Variants in KAZN observed in about 807,000 individuals in gnomAD.
KAZN encodes the protein kazrin.
KAZN carries 40 observed loss-of-function variants against 87.4 expected under a neutral mutation model. That is an observed-to-expected ratio of 0.46 (90% CI 0.36 to 0.60). The LOEUF is 0.60. Among genes scored for constraint, KAZN ranks in the 20% least tolerant of loss-of-function variants. The pLI is 0.00. For missense variants in KAZN, 898 were observed against 1,073.9 expected (o/e 0.84, Z 2.29); for synonymous variants, 466 against 458.3 (o/e 1.02, Z -0.22).
intron 2 of KAZN, among the ~76,000 whole-genome samples, chr1:14,981,631 G>A (rs912466927): frequency 6.6e-6 from 1 of 152,212 alleles, no homozygotes; most frequent in African/African-American, 2.4e-5. Context: ...GGAGCCCTGC[G>A]CTAAGCTGCA....
chr1:14,258,003 G>T, intron 2 of KAZN, among the ~76,000 whole-genome samples: 1 of 141,512 alleles, frequency 7.1e-6, no homozygotes, highest in South Asian at 2.4e-4. Context: ...GAAGGGGGAA[G>T]GGTAAGAATG....
chr1:14,434,575 T>C (rs967573134), intron 2 of KAZN, among the ~76,000 whole-genome samples: 2 of 152,204 alleles, frequency 1.3e-5, no homozygotes, highest in Non-Finnish European at 2.9e-5. Flanking sequence ...GGCTGCTTCA[T>C]GGTGGATGAT....
Position 13,954,942 on chromosome 1 carries a change from C to T in KAZN, c.91+61186C>T, listed in dbSNP as rs559611695. On this transcript the variant is annotated intron_variant, in intron 1 of 16. Transcript: ENST00000636203. ...GCTAGAAGTATAAATTGTGTAAAGA[C>T]TTTTAGAGAGCTCCAATTCGTCTTA... 2.6e-5 allele frequency among the ~76,000 whole-genome samples: 4 copies of T among 152,238 alleles called. No homozygotes were observed. In the East Asian group the frequency reaches 7.7e-4, roughly 29 times the overall value.
chr1:14,418,986 G>C (rs1665099359), intron 2 of KAZN, among the ~76,000 whole-genome samples: 1 of 152,188 alleles, frequency 6.6e-6, no homozygotes, highest in Admixed American at 6.5e-5. Context: ...AAAACTTCTA[G>C]CCTGCCATTC....
chr1:14,399,460 T>A (rs895660376), intron 2 of KAZN, among the ~76,000 whole-genome samples: 1 of 152,108 alleles, frequency 6.6e-6, no homozygotes, highest in African/African-American at 2.4e-5. Context: ...GATACCTTGA[T>A]AGTCATTGGT....
At chr1:14,385,970 G>A (rs1661845265) in intron 2 of KAZN, among the ~76,000 whole-genome samples, 1 of 151,322 alleles carries the variant, frequency 6.6e-6, no homozygotes. Context: ...AGGTCACTCA[G>A]GACTTGCTTT....
In KAZN at chr1:15,117,058, T is replaced by G. The variant is rs2100768225; in HGVS notation, c.*2423T>G. The stretch of plus-strand genomic sequence containing the variant: ...ACATGAGGATGGGTTGGTTGTTAAA[T>G]TAACAACCTCCACAGTATCAGATTG... On this transcript the variant is annotated 3_prime_UTR_variant, in exon 15 of 15. Transcript: ENST00000376030. 2 of 152,276 alleles carry G rather than the reference T, an allele frequency of 1.3e-5. No individual in the cohort carries two copies. Among genetic ancestry groups the G allele is most frequent in the Non-Finnish European group, 2.9e-5 (2 of 68,020 alleles). 9.4% of individuals were successfully genotyped at this position (152,276 alleles called of 1,614,324 possible).
chr1:14,997,652 C>A lies in KAZN; in HGVS notation c.418+36777C>A, dbSNP rs564926956. On this transcript the variant is annotated intron_variant, in intron 2 of 14. Coordinates refer to ENST00000376030, the MANE Select transcript of KAZN (RefSeq NM_201628.3). ...TCACACACCCAGAACAACGTGGATT[C>A]TCAGTAAATCCATGCGGAAAGCCTG... 1.4e-4 allele frequency among the ~76,000 whole-genome samples: 21 copies of A among 152,282 alleles called. No homozygotes were observed. In the East Asian group the frequency reaches 3.3e-3, roughly 24 times the overall value.
Position 14,831,182 on chromosome 1 carries a change from C to T in KAZN, c.227-129502C>T, listed in dbSNP as rs889958738. Among the ~76,000 whole-genome samples the T allele has an allele frequency of 1.1e-4, 17 of 152,212 alleles. 1 individual carries two copies. The highest frequency in any genetic ancestry group is 9.8e-4 in the Admixed American group (15 of 15,286). On this transcript the variant is annotated intron_variant, in intron 1 of 14. Transcript: ENST00000376030. Reference sequence around the variant, plus strand: ...CCCAATTCTCTTGTTTTTGCTCATGCCCATTCCCTTGTTTTTGCTTATGCC... The same window carrying T: ...CCCAATTCTCTTGTTTTTGCTCATGTCCATTCCCTTGTTTTTGCTTATGCC...
chr1:14,576,502 T>G lies in KAZN; in HGVS notation c.250-22481T>G, dbSNP rs565162596. On this transcript the variant is annotated intron_variant, in intron 2 of 16. Transcript: ENST00000636203. ...ATGGATGGATGCACTGATGGATGCA[T>G]GGACAAATGAAAGGAACATGCTGAA... is the stretch of plus-strand genomic sequence containing the variant. 1.7e-4 allele frequency among the ~76,000 whole-genome samples: 26 copies of G among 152,324 alleles called. No individual in the cohort carries two copies. The South Asian group carries it at 5.4e-3, about 32-fold the overall frequency.
chr1:15,087,075 C>T (rs1211153423), intron 8 of KAZN, among the ~76,000 whole-genome samples: 1 of 152,204 alleles, frequency 6.6e-6, no homozygotes, highest in African/African-American at 2.4e-5. Flanking sequence ...GCAGAGAAAG[C>T]TTAACTTCCA....
intron 2 of KAZN, among the ~76,000 whole-genome samples, chr1:14,480,481 G>A (rs779588745): frequency 2.6e-5 from 4 of 151,386 alleles, no homozygotes; most frequent in Non-Finnish European, 4.4e-5. Context: ...ATGTATAAGG[G>A]ACGAGAGTTC....
intron 2 of KAZN, among the ~76,000 whole-genome samples, chr1:14,474,031 A>G (rs570101910): frequency 3.7e-4 from 56 of 152,182 alleles, no homozygotes; most frequent in African/African-American, 1.3e-3. Context: ...TCCTAGTTCT[A>G]TTGTGTGTGT....
intron 1 of KAZN, among the ~76,000 whole-genome samples, chr1:14,791,658 G>A (rs528165793): frequency 1.3e-5 from 2 of 152,336 alleles, no homozygotes; most frequent in South Asian, 4.1e-4. Flanking sequence ...AGGACGGCGA[G>A]AGTGAGCTTA....
At chr1:14,416,308 ATTGT>A (rs1413430151) in intron 2 of KAZN, among the ~76,000 whole-genome samples, 1 of 152,172 alleles carries the variant, frequency 6.6e-6, no homozygotes, top group East Asian at 1.9e-4. Context: ...GCACTGATGG[ATTGT>A]TTGGGTATAA....
At chr1:14,400,537 C>T (rs1428043574) in intron 2 of KAZN, among the ~76,000 whole-genome samples, 1 of 152,194 alleles carries the variant, frequency 6.6e-6, no homozygotes, top group African/African-American at 2.4e-5. Context: ...AGCATCCACT[C>T]AGCAGCCCAC....
intron 2 of KAZN, among the ~76,000 whole-genome samples, chr1:14,964,498 C>T (rs1304020763): frequency 1.3e-5 from 2 of 152,252 alleles, no homozygotes; most frequent in African/African-American, 2.4e-5. Flanking sequence ...TCAGCCACCA[C>T]GAGCATCCTG....
At chr1:14,515,986 A>G (rs1203802482) in intron 2 of KAZN, among the ~76,000 whole-genome samples, 1 of 152,112 alleles carries the variant, frequency 6.6e-6, no homozygotes, top group Admixed American at 6.5e-5. Context: ...CTCCTGTATC[A>G]CTAGGGCCTA....
At chr1:14,818,234 G>T (rs1438161735) in intron 1 of KAZN, among the ~76,000 whole-genome samples, 1 of 152,206 alleles carries the variant, frequency 6.6e-6, no homozygotes, top group Non-Finnish European at 1.5e-5. Flanking sequence ...AAGATTTTCT[G>T]TCTTGTTCTA....
Sources: gnomAD v4.1 joint callset for allele counts (sites outside exome capture counted in the v4.1 genomes callset) on GRCh38, gnomAD v4.1.1 for gene constraint, MANE v1.5 for transcripts, NCBI Gene and HGNC (gene_info 2026-07-23, HGNC 2026-07-21) for gene names.